DNAH12: variants seen among roughly 807,000 people sequenced by gnomAD.
DNAH12 encodes dynein axonemal heavy chain 12.
A neutral mutation model predicts 371.5 loss-of-function variants in DNAH12; 285 were observed. That is an observed-to-expected ratio of 0.77 (90% CI 0.70 to 0.85). The LOEUF is 0.85. DNAH12 is among the 40% of genes least tolerant of loss of function. The probability of loss-of-function intolerance (pLI) is 0.00; values close to 1 mark genes in which losing one functional copy is unlikely to be tolerated. For synonymous variants in DNAH12, 1,200 were observed against 1,213.0 expected, an observed-to-expected ratio of 0.99 and a Z score of 0.22; for missense variants, 3,611 against 3,689.4, an observed-to-expected ratio of 0.98 and a Z score of 0.55.
At chr3:57,519,119 A>C (rs1176396730) in intron 4 of DNAH12, among the ~76,000 whole-genome samples, 2 of 152,242 alleles carry the variant, frequency 1.3e-5, no homozygotes, top group African/African-American at 4.8e-5. Flanking sequence ...AAAACGAATC[A>C]AGGTTTTAAT....
intron 2 of DNAH12, among the ~76,000 whole-genome samples, chr3:57,531,196 T>C (rs1020221871): frequency 1.3e-5 from 2 of 152,230 alleles, no homozygotes; most frequent in African/African-American, 4.8e-5. Context: ...GCATTTCTTG[T>C]AGGACAGGTC....
intron 37 of DNAH12, among the ~76,000 whole-genome samples, chr3:57,416,090 T>G (rs1192773624): frequency 6.6e-6 from 1 of 151,912 alleles, no homozygotes; most frequent in African/African-American, 2.4e-5. Flanking sequence ...GCTTGATCTA[T>G]TTTTATTTTT....
chr3:57,368,654 T>TA (rs1188217827), intron 55 of DNAH12, among the ~76,000 whole-genome samples: 4 of 152,182 alleles, frequency 2.6e-5, no homozygotes, highest in Non-Finnish European at 5.9e-5. Flanking sequence ...GATAAACATT[T>TA]AAAACAAGAG....
intron 69 of DNAH12, among the ~76,000 whole-genome samples, chr3:57,306,936 A>G (rs1212349472): frequency 6.6e-6 from 1 of 152,098 alleles, no homozygotes; most frequent in Non-Finnish European, 1.5e-5. Context: ...GATCTTAAAC[A>G]TGCTTTCTTT....
rs981886115 is a variant in DNAH12, at chr3:57,361,002, C to T, written c.9360+2592G>A. 9.6e-3 allele frequency among the ~76,000 whole-genome samples: 1,460 copies of T among 152,142 alleles called. 15 individuals are homozygous for T. The highest frequency in any genetic ancestry group is 0.012 in the Non-Finnish European group (786 of 68,000). On this transcript the variant is annotated intron_variant, in intron 58 of 73. Coordinates refer to ENST00000495027, the MANE Select transcript of DNAH12 (RefSeq NM_001366028.2). ...AGTGCAAAAAATAACTGCTTGCTAA[C>T]GCCTTTTCTGCTTATAACATTGTAT...
chr3:57,299,763 G>A (rs763749988), intron 70 of DNAH12, among the ~76,000 whole-genome samples: 10 of 149,600 alleles, frequency 6.7e-5, no homozygotes, highest in Non-Finnish European at 1.3e-4. Flanking sequence ...TGACCATGAT[G>A]GCATCTTGAT....
chr3:57,342,217 T>C (rs1490165646), intron 60 of DNAH12, among the ~76,000 whole-genome samples: 5 of 152,086 alleles, frequency 3.3e-5, no homozygotes, highest in Non-Finnish European at 7.3e-5. Flanking sequence ...AAAGATTTTA[T>C]GAATAAGAAC....
chr3:57,415,588 T>TATTCAAAATGG (rs1172168044), intron 37 of DNAH12, 24 bp from the exon 38 acceptor site: 2 of 1,507,844 alleles, frequency 1.3e-6, no homozygotes, highest in African/African-American at 2.8e-5. Context: ...ATGAATATAT[T>TATTCAAAATGG]ATTCAAAATG....
At chr3:57,466,089 CACACCAG>C (rs1426081137) in intron 17 of DNAH12, among the ~76,000 whole-genome samples, 1 of 151,852 alleles carries the variant, frequency 6.6e-6, no homozygotes, top group African/African-American at 2.4e-5. Context: ...CACACACACA[CACACCAG>C]ATTAGTCATA....
intron 8 of DNAH12, among the ~76,000 whole-genome samples, chr3:57,506,945 T>G (rs1018887485): frequency 6.6e-6 from 1 of 151,934 alleles, no homozygotes; most frequent in Non-Finnish European, 1.5e-5. Context: ...TCTTTACTTT[T>G]ATTAAATAAT....
intron 2 of DNAH12, chr3:57,536,492 G>C (rs1463225272): frequency 6.6e-6 from 1 of 152,140 alleles, no homozygotes; most frequent in Non-Finnish European, 1.5e-5. Context: ...TTTTTGAGCA[G>C]CCTCATTTCC....
At position 57,458,196 on chromosome 3, in the gene DNAH12, C is replaced by G; in HGVS notation, c.2956G>C (p.Gly986Arg). 6.5e-7 allele frequency: 1 copy of G among 1,548,710 alleles called. No individual in the cohort carries two copies. ...PKVLAATSLT[G>R]LLEKLQNCNE... The stretch of plus-strand genomic sequence containing the variant: ...CAGTTCTGTAGTTTTTCCAATAAAC[C>G]TGTTAAAGAAGTGGCAGCAAGAACC... Residue 986 changes from glycine (G) to arginine (R), a missense_variant, in exon 21 of 74, where the codon GGT (glycine) becomes CGT (arginine). Gly to Arg is a moderately radical substitution (Grantham distance 125). This residue lies in a region of DNAH12 where 1,314 missense variants were observed against 1,398.7 expected (regional missense o/e 0.94). Coordinates refer to ENST00000495027, the MANE Select transcript of DNAH12 (RefSeq NM_001366028.2).
At chr3:57,358,761 T>TA (rs2062854960) in intron 58 of DNAH12, among the ~76,000 whole-genome samples, 1 of 152,102 alleles carries the variant, frequency 6.6e-6, no homozygotes, top group African/African-American at 2.4e-5. Flanking sequence ...TTAATAGCAA[T>TA]AGCAAGCAGA....
At position 57,415,558 on chromosome 3, in the gene DNAH12, G is replaced by A. The variant is rs1304449573; in HGVS notation, c.5721C>T (p.Leu1907=). The change falls in exon 38 of 74, where the codon CTC becomes CTT. Residue 1907 remains leucine (L), a synonymous_variant. Transcript: ENST00000495027. The part of the protein sequence containing the change: ...MDLSITYAKP[L]LFVGPTGTGK... Reference sequence around the variant, plus strand: ...CTGTACCCGTTGGACCCACAAAAAGGAGTGGCCTTAATGAAAACAATGAAT... The same window carrying A: ...CTGTACCCGTTGGACCCACAAAAAGAAGTGGCCTTAATGAAAACAATGAAT... 2 of 1,534,014 alleles carry A rather than the reference G, an allele frequency of 1.3e-6. No homozygotes were observed. The highest frequency in any genetic ancestry group is 8.7e-7 in the Non-Finnish European group (1 of 1,143,178).
At chr3:57,427,638 C>T (rs11914653) in intron 34 of DNAH12, among the ~76,000 whole-genome samples, 19,098 of 151,902 alleles carry the variant, frequency 0.13, 1,609 homozygotes, top group Non-Finnish European at 0.19. Flanking sequence ...TGCGGTGAAC[C>T]AAGATCGCTC....
chr3:57,306,383 A>G (rs1171646787), intron 69 of DNAH12, among the ~76,000 whole-genome samples: 1 of 152,102 alleles, frequency 6.6e-6, no homozygotes, highest in Non-Finnish European at 1.5e-5. Flanking sequence ...GTGCCAACTT[A>G]GACAATACTC....
chr3:57,319,308 C>T (rs551846675), intron 65 of DNAH12, among the ~76,000 whole-genome samples: 36 of 152,272 alleles, frequency 2.4e-4, no homozygotes, highest in African/African-American at 8.2e-4. Flanking sequence ...AAGATCACAT[C>T]ATCTGCAAAC....
chr3:57,541,274 A>T (rs1457282129), intron 2 of DNAH12, among the ~76,000 whole-genome samples: 1 of 152,082 alleles, frequency 6.6e-6, no homozygotes, highest in African/African-American at 2.4e-5. Flanking sequence ...TCCTGACCTC[A>T]GGTAACCCAT....
intron 34 of DNAH12, among the ~76,000 whole-genome samples, chr3:57,428,178 C>G (rs998280604): frequency 1.3e-5 from 2 of 152,112 alleles, no homozygotes; most frequent in Non-Finnish European, 2.9e-5. Flanking sequence ...ATCCGCCCAC[C>G]TCAGCTTCCC....
Sources: allele counts gnomAD v4.1 joint callset (sites outside exome capture counted in the v4.1 genomes callset), GRCh38; gene constraint gnomAD v4.1.1; regional missense constraint gnomAD v4.1.1; transcripts MANE v1.5; gene names NCBI Gene and HGNC (gene_info 2026-07-23, HGNC 2026-07-21).